The following PHEX variants were observed in gnomAD, a reference collection of about 807,000 sequenced individuals.
PHEX encodes phosphate-regulating neutral endopeptidase PHEX.
A neutral mutation model predicts 68.0 loss-of-function variants in PHEX; 16 were observed. The ratio of observed to expected loss-of-function variants is 0.24; its 90% CI spans 0.16 to 0.36. The LOEUF (loss-of-function observed/expected upper bound fraction) is 0.36, where lower values mean the gene tolerates loss of function less well. Among genes scored for constraint, PHEX ranks in the 10% least tolerant of loss-of-function variants. The pLI is 1.00. For missense variants in PHEX, 480 were observed against 575.5 expected (o/e 0.83, Z 1.70); for synonymous variants, 208 against 205.1 (o/e 1.01, Z -0.12).
intron 12 of PHEX, among the ~76,000 whole-genome samples, chrX:22,134,602 G>A (rs1015844806): frequency 8.9e-6 from 1 of 112,457 alleles, no homozygotes; most frequent in East Asian, 2.8e-4. Flanking sequence ...CTGAATAAAT[G>A]AATGAATGAA....
Position 22,114,523 on chromosome X carries a change from C to A in PHEX, c.1239C>A (p.Ala413=). ...WDKCVNFIES[A]LPYVVGKMFV... is the part of the protein sequence containing the mutation. ...AATGTGTAAACTTTATTGAAAGTGC[C>A]CTCCCTTATGTTGTTGGAAAGATGT... Residue 413 remains alanine (A), a synonymous_variant, in exon 11 of 22, where the codon GCC becomes GCA. Coordinates refer to ENST00000379374, the MANE Select transcript of PHEX (RefSeq NM_000444.6). The A allele has an allele frequency of 1.7e-6, 2 of 1,194,869 alleles. No individual in the cohort carries two copies. The highest frequency in any genetic ancestry group is 2.3e-6 in the Non-Finnish European group (2 of 880,418).
At chrX:22,189,926 T>G (rs1264271028) in intron 14 of PHEX, among the ~76,000 whole-genome samples, 1 of 112,333 alleles carries the variant, frequency 8.9e-6, no homozygotes, top group Non-Finnish European at 1.9e-5. Flanking sequence ...GCAGTACACT[T>G]TCCACTGGAG....
At chrX:22,080,678 A>T (rs1929349695) in intron 5 of PHEX, among the ~76,000 whole-genome samples, 1 of 111,201 alleles carries the variant, frequency 9.0e-6, no homozygotes, top group African/African-American at 3.3e-5. Context: ...CCCCCCACTT[A>T]TAGGTTTTGT....
chrX:22,168,489 C>A, intron 13 of PHEX, 100 bp downstream of exon 13: 1 of 551,525 alleles, frequency 1.8e-6, no homozygotes, highest in Non-Finnish European at 3.2e-6. Flanking sequence ...CTGGTGATGC[C>A]AGAAAACACC....
At chrX:22,226,805 C>T (rs1034140875) in intron 19 of PHEX, among the ~76,000 whole-genome samples, 3 of 111,650 alleles carry the variant, frequency 2.7e-5, no homozygotes, top group African/African-American at 9.8e-5. Flanking sequence ...CATGCTACAG[C>T]AATCTCCTTG....
At chrX:22,033,356 G>A (rs751865941) in intron 1 of PHEX, among the ~76,000 whole-genome samples, 2 of 110,372 alleles carry the variant, frequency 1.8e-5, no homozygotes, top group Non-Finnish European at 1.9e-5. Context: ...CAAAGTGGGT[G>A]TAAGTGGCTT....
intron 5 of PHEX, among the ~76,000 whole-genome samples, chrX:22,084,488 G>A (rs1304250528): frequency 4.6e-5 from 5 of 109,063 alleles, no homozygotes; most frequent in Middle Eastern, 4.8e-3. Context: ...TTTTGGTATC[G>A]GGGTAATGCT....
intron 20 of PHEX, among the ~76,000 whole-genome samples, chrX:22,230,229 C>CTTTTTT (rs140475343): frequency 5.5e-4 from 6 of 10,939 alleles, no homozygotes; most frequent in East Asian, 2.1e-3. Flanking sequence ...TATATGGGCT[C>CTTTTTT]TTTTTTTTTT....
intron 3 of PHEX, among the ~76,000 whole-genome samples, chrX:22,073,032 A>G (rs1928974947): frequency 8.9e-6 from 1 of 112,209 alleles, no homozygotes; most frequent in South Asian, 3.7e-4. Context: ...GGAAATGTTG[A>G]GAGCATGGGG....
At chrX:22,039,887 G>T (rs1927194882) in intron 2 of PHEX, among the ~76,000 whole-genome samples, 1 of 111,596 alleles carries the variant, frequency 9.0e-6, no homozygotes, top group Non-Finnish European at 1.9e-5. Flanking sequence ...AGTGAGCTGA[G>T]ATTGCACCAT....
At chrX:22,116,520 T>C (rs1225536604) in intron 11 of PHEX, among the ~76,000 whole-genome samples, 1 of 111,839 alleles carries the variant, frequency 8.9e-6, no homozygotes, top group Non-Finnish European at 1.9e-5. Flanking sequence ...GGCAAAGACA[T>C]TGTAATGTCA....
In PHEX at chrX:22,061,008, G is replaced by A. The variant is rs140700117; in HGVS notation, c.349+13797G>A. On this transcript the variant is annotated intron_variant, in intron 3 of 21. Transcript: ENST00000379374. The stretch of plus-strand genomic sequence containing the variant: ...GGTAACAGTTGGGAGGCATACCCAC[G>A]TGAGCTTTGGTGGTAACAATTCCTG... Among the ~76,000 whole-genome samples the A allele has an allele frequency of 3.3e-3, 362 of 110,390 alleles. 2 individuals carry two copies. Among genetic ancestry groups the A allele is most frequent in the African/African-American group, 0.011 (324 of 29,377 alleles).
intron 12 of PHEX, among the ~76,000 whole-genome samples, chrX:22,152,482 T>G (rs774392346): frequency 1.8e-5 from 2 of 111,804 alleles, no homozygotes; most frequent in South Asian, 7.6e-4. Context: ...CTTCTTCTGT[T>G]GTTTTTTCTC....
rs746349559 is a variant in PHEX, at chrX:22,113,943, CTTTTTTTTTTT to C, written c.1174-502_1174-492del. Reference sequence around the variant, plus strand: ...TAAATCACTTTCTTTTCTTCTTCTTCTTTTTTTTTTTTTTTTTTTTTTTCCAGACAGAGTCT... The same window carrying C: ...TAAATCACTTTCTTTTCTTCTTCTTCTTTTTTTTTTTTCCAGACAGAGTCT... On this transcript the variant is annotated intron_variant, in intron 10 of 21. Coordinates refer to ENST00000379374, the MANE Select transcript of PHEX (RefSeq NM_000444.6). 9.4e-5 allele frequency among the ~76,000 whole-genome samples: 6 copies of C among 63,982 alleles called. No homozygotes were observed. In the East Asian group the frequency reaches 1.5e-3, roughly 17 times the overall value. The allele number at this position is 63,982 out of a possible 115,157, so 55.6% of individuals were successfully genotyped here.
chrX:22,050,886 T>C (rs1459774687), intron 3 of PHEX, among the ~76,000 whole-genome samples: 1 of 111,959 alleles, frequency 8.9e-6, no homozygotes, highest in African/African-American at 3.2e-5. Flanking sequence ...TGCCTATTAA[T>C]GGTTTGTATT....
intron 12 of PHEX, among the ~76,000 whole-genome samples, chrX:22,167,431 G>C (rs749704937): frequency 1.3e-4 from 14 of 107,086 alleles, no homozygotes; most frequent in Admixed American, 1.0e-3. Flanking sequence ...TTGACAATTT[G>C]CATGTCTTCT....
chrX:22,240,458 T>G (rs1359012002), intron 20 of PHEX, among the ~76,000 whole-genome samples: 1 of 110,191 alleles, frequency 9.1e-6, no homozygotes, highest in Non-Finnish European at 1.9e-5. Context: ...GGATAAAGAG[T>G]CAAGACCCAT....
intron 14 of PHEX, among the ~76,000 whole-genome samples, chrX:22,180,526 G>A (rs1308805101): frequency 2.7e-5 from 3 of 111,538 alleles, no homozygotes. Context: ...ACGTATTTAT[G>A]AGGTACATGA....
intron 7 of PHEX, among the ~76,000 whole-genome samples, chrX:22,096,614 C>T (rs1358043276): frequency 8.9e-6 from 1 of 112,003 alleles, no homozygotes; most frequent in Non-Finnish European, 1.9e-5. Context: ...CTGGAGACCA[C>T]AGGTGACAAT....
Sources: allele counts gnomAD v4.1 joint callset (sites outside exome capture counted in the v4.1 genomes callset), GRCh38; gene constraint gnomAD v4.1.1; transcripts MANE v1.5; gene names NCBI Gene and HGNC (gene_info 2026-07-23, HGNC 2026-07-21).